The following SGMS1 variants were observed in gnomAD, a reference collection of about 807,000 sequenced individuals.
The protein encoded by SGMS1 is sphingomyelin synthase 1.
Under a neutral mutation model 46.2 loss-of-function variants are expected in SGMS1, and 13 were observed. That is an observed-to-expected ratio of 0.28 (90% CI 0.18 to 0.45). The LOEUF (loss-of-function observed/expected upper bound fraction) is 0.45. Among genes scored for constraint, SGMS1 ranks in the 20% least tolerant of loss-of-function variants. The pLI, the probability that SGMS1 is intolerant of heterozygous loss-of-function variation, is 1.00. For missense variants in SGMS1, 324 were observed against 519.9 expected (o/e 0.62, Z 3.66); for synonymous variants, 203 against 187.8 (o/e 1.08, Z -0.66).
intron 1 of SGMS1, among the ~76,000 whole-genome samples, chr10:50,602,736 T>C (rs1838660054): frequency 6.6e-6 from 1 of 152,242 alleles, no homozygotes; most frequent in South Asian, 2.1e-4. Context: ...ATATATGCAT[T>C]TATTGTATTA....
intron 5 of SGMS1, among the ~76,000 whole-genome samples, chr10:50,435,718 A>G (rs1276413369): frequency 6.6e-6 from 1 of 152,236 alleles, no homozygotes; most frequent in Admixed American, 6.5e-5. Flanking sequence ...TCACAGACTC[A>G]TAAGCAACAG....
intron 7 of SGMS1, among the ~76,000 whole-genome samples, chr10:50,331,076 G>T (rs994552795): frequency 2.0e-5 from 3 of 152,144 alleles, no homozygotes; most frequent in Admixed American, 6.5e-5. Context: ...CATCAGAATA[G>T]TCATATTTTT....
Position 50,507,073 on chromosome 10 carries a change from A to G in SGMS1, c.-498+12758T>C, listed in dbSNP as rs561061062. 4.6e-5 allele frequency among the ~76,000 whole-genome samples: 7 copies of G among 152,256 alleles called. No individual in the cohort carries two copies. The East Asian group carries it at 1.4e-3, about 29-fold the overall frequency. On this transcript the variant is annotated intron_variant, in intron 3 of 10. Coordinates refer to ENST00000361781, the MANE Select transcript of SGMS1 (RefSeq NM_147156.4). Reference sequence around the variant, plus strand: ...AACTCCCCCAGGCTTATAGGCCCAGAGAGGGGAAGCAACTGGCACAAGATC... The same window carrying G: ...AACTCCCCCAGGCTTATAGGCCCAGGGAGGGGAAGCAACTGGCACAAGATC...
At chr10:50,387,662 G>A (rs1015034613) in intron 6 of SGMS1, among the ~76,000 whole-genome samples, 4 of 152,062 alleles carry the variant, frequency 2.6e-5, no homozygotes, top group African/African-American at 9.7e-5. Context: ...AAAGCAAGGC[G>A]GCAGATTCAT....
At chr10:50,557,246 T>C (rs894868614) in intron 2 of SGMS1, among the ~76,000 whole-genome samples, 1 of 152,218 alleles carries the variant, frequency 6.6e-6, no homozygotes. Context: ...ATTTTTTAGA[T>C]ATTCACAATA....
At chr10:50,574,967 A>ATATATATATATATATC (rs1838369698) in intron 2 of SGMS1, among the ~76,000 whole-genome samples, 1 of 139,374 alleles carries the variant, frequency 7.2e-6, no homozygotes, top group Non-Finnish European at 1.6e-5. Context: ...TGTGGTGTAT[A>ATATATATATATATATC]TATATATATA....
At chr10:50,544,252 A>G (rs1838080629) in intron 2 of SGMS1, among the ~76,000 whole-genome samples, 1 of 152,202 alleles carries the variant, frequency 6.6e-6, no homozygotes, top group South Asian at 2.1e-4. Flanking sequence ...CCCATTTCAC[A>G]GATGAGGAAA....
At chr10:50,616,875 T>G (rs865799603) in intron 1 of SGMS1, among the ~76,000 whole-genome samples, 4 of 152,202 alleles carry the variant, frequency 2.6e-5, no homozygotes, top group African/African-American at 9.7e-5. Flanking sequence ...CAGAAAATCT[T>G]ACAATATTAG....
At chr10:50,327,000 C>CAAACTAGAACACATT in intron 8 of SGMS1, among the ~76,000 whole-genome samples, 1 of 151,990 alleles carries the variant, frequency 6.6e-6, no homozygotes, top group Non-Finnish European at 1.5e-5. Flanking sequence ...TTCCAACACA[C>CAAACTAGAACACATT]ATTTCCCCAG....
At chr10:50,377,110 A>C (rs894482237) in intron 6 of SGMS1, among the ~76,000 whole-genome samples, 3 of 152,216 alleles carry the variant, frequency 2.0e-5, no homozygotes, top group African/African-American at 7.2e-5. Flanking sequence ...GGTAGTTAAC[A>C]AAGAAAAAAA....
chr10:50,458,239 T>C (rs1837217210), intron 5 of SGMS1, among the ~76,000 whole-genome samples: 1 of 152,098 alleles, frequency 6.6e-6, no homozygotes, highest in Non-Finnish European at 1.5e-5. Flanking sequence ...GATCTAAATG[T>C]CATCACTGTG....
intron 2 of SGMS1, among the ~76,000 whole-genome samples, chr10:50,559,206 C>G (rs1309940998): frequency 6.6e-6 from 1 of 152,156 alleles, no homozygotes; most frequent in Non-Finnish European, 1.5e-5. Context: ...CACAAGCCCC[C>G]CAAAATGTAA....
chr10:50,393,990 C>T (rs1474226284), intron 6 of SGMS1, among the ~76,000 whole-genome samples: 3 of 152,162 alleles, frequency 2.0e-5, no homozygotes, highest in Admixed American at 1.3e-4. Flanking sequence ...CCAAGTGAGT[C>T]ATATATCCTA....
At chr10:50,524,617 T>A (rs533860846) in intron 2 of SGMS1, among the ~76,000 whole-genome samples, 14 of 152,322 alleles carry the variant, frequency 9.2e-5, no homozygotes, top group Non-Finnish European at 1.8e-4. Flanking sequence ...TATTTAGTGC[T>A]ACTACTAAGT....
chr10:50,571,277 T>C (rs1838334399), intron 2 of SGMS1, among the ~76,000 whole-genome samples: 1 of 152,272 alleles, frequency 6.6e-6, no homozygotes, highest in Admixed American at 6.5e-5. Flanking sequence ...ACTTTGCTAT[T>C]GCCCAGGCAG....
chr10:50,308,953 T>C (rs115974042), intron 9 of SGMS1, among the ~76,000 whole-genome samples: 1,554 of 152,334 alleles, frequency 0.01, 21 homozygotes, highest in African/African-American at 0.035. Flanking sequence ...CCAATATTCA[T>C]TGAGCCTCTT....
chr10:50,395,838 T>C (rs1042902183), intron 6 of SGMS1, among the ~76,000 whole-genome samples: 1 of 152,100 alleles, frequency 6.6e-6, no homozygotes. Context: ...GTGGGGCTTG[T>C]GCAGGAAAGA....
At chr10:50,357,159 A>G (rs765566725) in intron 6 of SGMS1, among the ~76,000 whole-genome samples, 4 of 152,128 alleles carry the variant, frequency 2.6e-5, no homozygotes, top group Non-Finnish European at 5.9e-5. Context: ...TCAATTTAGT[A>G]AAAAAGAAAT....
At chr10:50,553,606 A>G (rs548193798) in intron 2 of SGMS1, among the ~76,000 whole-genome samples, 1 of 152,274 alleles carries the variant, frequency 6.6e-6, no homozygotes, top group Admixed American at 6.5e-5. Flanking sequence ...GGGCATTTAA[A>G]ATGACCTCAG....
Sources: gnomAD v4.1 joint callset for allele counts (sites outside exome capture counted in the v4.1 genomes callset) on GRCh38, gnomAD v4.1.1 for gene constraint, MANE v1.5 for transcripts, NCBI Gene and HGNC (gene_info 2026-07-23, HGNC 2026-07-21) for gene names.